MYLK: variants seen among roughly 807,000 people sequenced by gnomAD.
MYLK encodes myosin light chain kinase, smooth muscle.
MYLK carries 106 observed loss-of-function variants against 203.4 expected under a neutral mutation model. The ratio of observed to expected loss-of-function variants is 0.52; its 90% confidence interval spans 0.45 to 0.61. The LOEUF is 0.61. MYLK is among the 20% of genes least tolerant of loss of function. MYLK has a pLI of 0.00. For synonymous variants in MYLK, 867 were observed against 959.5 expected (o/e 0.90, Z 1.78); for missense variants, 2,072 against 2,442.3 (o/e 0.85, Z 3.20).
At chr3:123,733,319 T>C (rs145806049) in intron 10 of MYLK, among the ~76,000 whole-genome samples, 3 of 152,090 alleles carry the variant, frequency 2.0e-5, no homozygotes, top group African/African-American at 7.2e-5. Context: ...TACAGCGTGA[T>C]GGGCAAGGTC....
At chr3:123,875,531 T>C (rs1025441428) in intron 2 of MYLK, among the ~76,000 whole-genome samples, 3 of 152,194 alleles carry the variant, frequency 2.0e-5, no homozygotes, top group Admixed American at 1.3e-4. Flanking sequence ...TGTATCTCAA[T>C]TGTGATGGTG....
intron 21 of MYLK, 128 bp from the exon 22 acceptor site, chr3:123,666,474 G>A: frequency 7.8e-7 from 1 of 1,282,132 alleles, no homozygotes; most frequent in Non-Finnish European, 1.1e-6. Context: ...GGGTAAGACT[G>A]AGGGGCAGTG....
intron 4 of MYLK, among the ~76,000 whole-genome samples, chr3:123,778,066 C>A (rs1035971437): frequency 2.0e-5 from 3 of 152,134 alleles, no homozygotes; most frequent in Non-Finnish European, 4.4e-5. Flanking sequence ...TGACTCCACA[C>A]CTCTACTCCA....
intron 13 of MYLK, among the ~76,000 whole-genome samples, chr3:123,711,084 C>G (rs1466952383): frequency 1.3e-5 from 2 of 150,700 alleles, no homozygotes; most frequent in Non-Finnish European, 2.9e-5. Context: ...GAGCAAGATT[C>G]TGTCTCAAAA....
At chr3:123,704,864 G>A (rs2061397378) in intron 16 of MYLK, among the ~76,000 whole-genome samples, 1 of 152,044 alleles carries the variant, frequency 6.6e-6, no homozygotes, top group South Asian at 2.1e-4. Context: ...AGCTTGCAGT[G>A]AGCCAAGATC....
intron 13 of MYLK, among the ~76,000 whole-genome samples, chr3:123,721,861 C>G (rs820354): frequency 0.81 from 111,746 of 138,212 alleles, 47,980 homozygotes; most frequent in Non-Finnish European, 0.97. Flanking sequence ...ACACCCTTGT[C>G]GCTGTGAACT....
At chr3:123,678,276 A>G (rs148070662) in intron 20 of MYLK, among the ~76,000 whole-genome samples, 40 of 151,938 alleles carry the variant, frequency 2.6e-4, no homozygotes, top group African/African-American at 9.2e-4. Flanking sequence ...CTTCTCCCCA[A>G]CTGATGTTAT....
chr3:123,700,436 G>A lies in MYLK; in HGVS notation c.3032C>T (p.Ser1011Phe), dbSNP rs200423083. The change falls in exon 18 of 34, where the codon TCC (serine) becomes TTC (phenylalanine). Residue 1011 changes from serine (S) to phenylalanine (F), a missense_variant. Physicochemically the swap from Ser to Phe is radical, Grantham distance 155. This residue lies in a region of MYLK where 865 missense variants were observed against 1,016.0 expected (regional missense o/e 0.85). Coordinates refer to ENST00000360304, the MANE Select transcript of MYLK (RefSeq NM_053025.4). ...AGGCTGTGCATTGCTCAGGGGCTTGGAACTCTCCACTGCCTTGGCATTCAG... is the reference window on the plus strand; with the variant it reads ...AGGCTGTGCATTGCTCAGGGGCTTGAAACTCTCCACTGCCTTGGCATTCAG... Reference protein sequence around the residue: ...ETLNAKAVESSKPLSNAQPSG... With the variant: ...ETLNAKAVESFKPLSNAQPSG... 8.3e-5 allele frequency: 134 copies of A among 1,611,286 alleles called. No homozygotes were observed. The highest frequency in any genetic ancestry group is 1.0e-4 in the Non-Finnish European group (120 of 1,178,436).
intron 13 of MYLK, among the ~76,000 whole-genome samples, chr3:123,720,979 T>G (rs138516293): frequency 1.7e-3 from 260 of 152,336 alleles, no homozygotes; most frequent in African/African-American, 6.1e-3. Flanking sequence ...GGTGCAGCTT[T>G]GCAGACTAAC....
chr3:123,692,179 A>T (rs1437606241), intron 19 of MYLK: 23 of 416,976 alleles, frequency 5.5e-5, no homozygotes, highest in Non-Finnish European at 7.6e-5. Context: ...TTTCTCCCCG[A>T]TGTGTCCTCC....
chr3:123,635,838 A>G (rs1006958205), intron 29 of MYLK, among the ~76,000 whole-genome samples: 1 of 152,184 alleles, frequency 6.6e-6, no homozygotes, highest in African/African-American at 2.4e-5. Context: ...AACCCACTCA[A>G]AAGCCTATCA....
chr3:123,883,200 G>A (rs138334721), intron 1 of MYLK, among the ~76,000 whole-genome samples: 1 of 152,184 alleles, frequency 6.6e-6, no homozygotes, highest in East Asian at 1.9e-4. Context: ...GCTCTCAAAG[G>A]CTGTGGGGTG....
chr3:123,765,617 AT>A, intron 4 of MYLK, among the ~76,000 whole-genome samples: 1 of 152,322 alleles, frequency 6.6e-6, no homozygotes, highest in South Asian at 2.1e-4. Context: ...CAACATCCAG[AT>A]AGTGGAAGCA....
intron 18 of MYLK, chr3:123,699,076 G>A (rs1270311338): frequency 6.6e-6 from 1 of 152,118 alleles, no homozygotes; most frequent in East Asian, 1.9e-4. Flanking sequence ...CCTGTCTGGA[G>A]CCACCAGCAT....
chr3:123,786,493 C>T (rs1379771762), intron 4 of MYLK, among the ~76,000 whole-genome samples: 7 of 89,880 alleles, frequency 7.8e-5, no homozygotes, highest in African/African-American at 3.2e-4. Flanking sequence ...CAGATGGTTA[C>T]CAGAGGCTGG....
At chr3:123,748,231 G>A (rs994420363) in intron 5 of MYLK, among the ~76,000 whole-genome samples, 1 of 152,236 alleles carries the variant, frequency 6.6e-6, no homozygotes, top group African/African-American at 2.4e-5. Context: ...CAGATCTCAT[G>A]TGAACTAACT....
chr3:123,834,718 A>C (rs1391471182), intron 2 of MYLK, among the ~76,000 whole-genome samples: 1 of 152,234 alleles, frequency 6.6e-6, no homozygotes, highest in Non-Finnish European at 1.5e-5. Flanking sequence ...CTAAAATGCT[A>C]ATAGCACCAC....
At chr3:123,692,663 T>C (rs2060724898) in intron 19 of MYLK, 72 bp downstream of exon 19, 1 of 1,191,214 alleles carries the variant, frequency 8.4e-7, no homozygotes, top group Admixed American at 1.7e-5. Context: ...AGGCAAGGTA[T>C]GGTAAGGAAG....
chr3:123,744,972 T>C (rs1218562497), intron 5 of MYLK, among the ~76,000 whole-genome samples: 14 of 152,218 alleles, frequency 9.2e-5, no homozygotes, highest in Admixed American at 9.2e-4. Context: ...ACTATCTATA[T>C]ATACAATTAT....
Sources: allele counts gnomAD v4.1 joint callset (sites outside exome capture counted in the v4.1 genomes callset), GRCh38; gene constraint gnomAD v4.1.1; regional missense constraint gnomAD v4.1.1; transcripts MANE v1.5; gene names NCBI Gene and HGNC (gene_info 2026-07-23, HGNC 2026-07-21).